The following CGNL1 variants were observed in gnomAD, a reference collection of about 807,000 sequenced individuals.
CGNL1 encodes cingulin-like protein 1.
A neutral mutation model predicts 141.2 loss-of-function variants in CGNL1; 132 were observed. The ratio of observed to expected loss-of-function variants is 0.93; its 90% CI spans 0.81 to 1.08. The LOEUF (loss-of-function observed/expected upper bound fraction) is 1.08. Among genes scored for constraint, CGNL1 ranks in the 50% least tolerant of loss-of-function variants. The pLI is 0.00. For missense variants in CGNL1, 1,870 were observed against 1,588.6 expected (o/e 1.18, Z -3.01); for synonymous variants, 690 against 622.1 (o/e 1.11, Z -1.63).
chr15:57,540,220 G>C (rs1421874525), intron 14 of CGNL1, among the ~76,000 whole-genome samples: 1 of 152,118 alleles, frequency 6.6e-6, no homozygotes, highest in East Asian at 1.9e-4. Context: ...CATTGTATTA[G>C]CCTGTTCTCA....
In CGNL1 at chr15:57,439,595, TACTC is replaced by T; in HGVS notation, c.1598_1601del (p.Thr533ArgfsTer7). 1 of 1,613,010 alleles carries T rather than the reference TACTC, an allele frequency of 6.2e-7. No homozygotes were observed. The highest frequency in any genetic ancestry group is 2.2e-5 in the East Asian group (1 of 44,886). On this transcript the variant is annotated frameshift_variant and splice_region_variant, in exon 2 of 19. Coordinates refer to ENST00000281282, the MANE Select transcript of CGNL1 (RefSeq NM_032866.5). LOFTEE classifies it high-confidence loss of function. Reference sequence around the variant, plus strand: ...TGAAGACATTTCCTTCGGCCTCAAATACTCAGGTAACACTAGTGCGATTCCTGTT... The same window carrying T: ...TGAAGACATTTCCTTCGGCCTCAAATAGGTAACACTAGTGCGATTCCTGTT...
chr15:57,447,744 A>G (rs1003002994), intron 4 of CGNL1, among the ~76,000 whole-genome samples: 1 of 151,614 alleles, frequency 6.6e-6, no homozygotes, highest in Non-Finnish European at 1.5e-5. Flanking sequence ...CTCCAATTAC[A>G]TGTATCTTAG....
At position 57,438,387 on chromosome 15, in the gene CGNL1, C is replaced by G. The variant is rs1453929519; in HGVS notation, c.388C>G (p.Leu130Val). 6 of 1,614,166 alleles carry G rather than the reference C, an allele frequency of 3.7e-6. No homozygotes were observed. Among genetic ancestry groups the G allele is most frequent in the South Asian group, 1.1e-5 (1 of 91,086 alleles). Reference protein sequence around the residue: ...PLLHEGKNGVLDRKDGSVKPS... With the variant: ...PLLHEGKNGVVDRKDGSVKPS... ...GCTCCATGAGGGCAAGAATGGAGTT[C>G]TAGATCGCAAAGACGGGTCTGTGAA... Residue 130 changes from leucine (L) to valine (V), a missense_variant, in exon 2 of 19, where the codon CTA becomes GTA. By Grantham distance (32) the Leu-to-Val change is conservative. Transcript: ENST00000281282.
At chr15:57,508,557 G>T (rs2029924017) in intron 8 of CGNL1, among the ~76,000 whole-genome samples, 2 of 152,230 alleles carry the variant, frequency 1.3e-5, no homozygotes, top group Admixed American at 6.5e-5. Context: ...CTCAGAGGGG[G>T]CAAGAGCTTG....
At chr15:57,424,216 A>G (rs1212517788) in intron 1 of CGNL1, among the ~76,000 whole-genome samples, 1 of 151,946 alleles carries the variant, frequency 6.6e-6, no homozygotes, top group Non-Finnish European at 1.5e-5. Context: ...TGAGCTCTAA[A>G]CTTGTTGTTC....
chr15:57,518,379 G>A lies in CGNL1; in HGVS notation c.2611-14G>A, dbSNP rs761350142. The A allele has an allele frequency of 2.5e-6, 4 of 1,582,936 alleles. No homozygotes were observed. The East Asian group carries it at 6.7e-5, about 27-fold the overall frequency. The stretch of plus-strand genomic sequence containing the variant: ...ACACATCTAAGTGCACACTGACCCA[G>A]TGTTTCATTGTAGGGAGAAATACGA... On this transcript the variant is annotated splice_polypyrimidine_tract_variant and intron_variant, in intron 9 of 18. Transcript: ENST00000281282.
At chr15:57,448,654 A>T (rs1480204160) in intron 4 of CGNL1, among the ~76,000 whole-genome samples, 3 of 151,678 alleles carry the variant, frequency 2.0e-5, no homozygotes, top group Non-Finnish European at 4.4e-5. Context: ...TCTCAAAAGA[A>T]AAAAAAAACA....
intron 8 of CGNL1, among the ~76,000 whole-genome samples, chr15:57,511,572 C>G (rs1347320946): frequency 1.3e-5 from 2 of 152,242 alleles, no homozygotes; most frequent in East Asian, 3.8e-4. Context: ...GTACCAGTTT[C>G]TAGCCCCACC....
chr15:57,410,870 G>A lies in CGNL1; in HGVS notation c.-15-27115G>A, dbSNP rs144504422. Among the ~76,000 whole-genome samples, 14 of 152,208 alleles carry A rather than the reference G, an allele frequency of 9.2e-5. No homozygotes were observed. The East Asian group carries it at 1.9e-3, about 21-fold the overall frequency. Reference sequence around the variant, plus strand: ...TTAATAAGAGACTGAAGTTCGTAACGTTTGTGTCTTGTCAGATTCAGTGGG... The same window carrying A: ...TTAATAAGAGACTGAAGTTCGTAACATTTGTGTCTTGTCAGATTCAGTGGG... On this transcript the variant is annotated intron_variant, in intron 1 of 18. Coordinates refer to ENST00000281282, the MANE Select transcript of CGNL1 (RefSeq NM_032866.5).
At chr15:57,532,749 A>G (rs2032023527) in intron 14 of CGNL1, among the ~76,000 whole-genome samples, 1 of 152,208 alleles carries the variant, frequency 6.6e-6, no homozygotes, top group African/African-American at 2.4e-5. Flanking sequence ...TGCACCTAAC[A>G]TGGTGCTGGC....
chr15:57,460,180 G>T (rs141618296), intron 7 of CGNL1, among the ~76,000 whole-genome samples: 2 of 152,244 alleles, frequency 1.3e-5, no homozygotes, highest in African/African-American at 2.4e-5. Flanking sequence ...AGAAAGAAGG[G>T]CATCTTAGAG....
chr15:57,436,473 T>C (rs1423837404), intron 1 of CGNL1, among the ~76,000 whole-genome samples: 1 of 152,214 alleles, frequency 6.6e-6, no homozygotes, highest in Non-Finnish European at 1.5e-5. Context: ...GGGTGCTCCT[T>C]ATCCCAGGGT....
At chr15:57,401,209 A>G (rs1016544899) in intron 1 of CGNL1, among the ~76,000 whole-genome samples, 16 of 152,178 alleles carry the variant, frequency 1.1e-4, no homozygotes, top group Admixed American at 9.8e-4. Flanking sequence ...AATTTAGCCA[A>G]TCTTCTATTA....
At chr15:57,467,592 T>C (rs1307559482) in intron 8 of CGNL1, among the ~76,000 whole-genome samples, 1 of 151,892 alleles carries the variant, frequency 6.6e-6, no homozygotes, top group African/African-American at 2.4e-5. Context: ...GCTAAAATCA[T>C]TGGGAACGTT....
intron 1 of CGNL1, among the ~76,000 whole-genome samples, chr15:57,434,589 A>T (rs2063082834): frequency 6.6e-6 from 1 of 152,166 alleles, no homozygotes; most frequent in South Asian, 2.1e-4. Flanking sequence ...GTATGCCATT[A>T]TGAAATTTCA....
chr15:57,494,310 A>G (rs1022645042), intron 8 of CGNL1, among the ~76,000 whole-genome samples: 2 of 152,156 alleles, frequency 1.3e-5, no homozygotes, highest in Admixed American at 1.3e-4. Flanking sequence ...GAGGCCAAGA[A>G]GCTTTGTTTA....
At chr15:57,441,444 C>T (rs955272311) in intron 3 of CGNL1, among the ~76,000 whole-genome samples, 3 of 152,116 alleles carry the variant, frequency 2.0e-5, no homozygotes, top group Admixed American at 6.5e-5. Flanking sequence ...TCTTGGCTCA[C>T]TGCAACCCCC....
At chr15:57,534,268 G>T (rs1869988374) in intron 14 of CGNL1, among the ~76,000 whole-genome samples, 1 of 152,222 alleles carries the variant, frequency 6.6e-6, no homozygotes, top group Non-Finnish European at 1.5e-5. Flanking sequence ...CTGAGATAGG[G>T]AGGGTATAGC....
intron 4 of CGNL1, among the ~76,000 whole-genome samples, chr15:57,443,526 G>C (rs2063216011): frequency 7.0e-6 from 1 of 143,594 alleles, no homozygotes. Context: ...GTACATACAG[G>C]GGATAATTTT....
Sources: allele counts gnomAD v4.1 joint callset (sites outside exome capture counted in the v4.1 genomes callset), GRCh38; gene constraint gnomAD v4.1.1; transcripts MANE v1.5; gene names NCBI Gene and HGNC (gene_info 2026-07-23, HGNC 2026-07-21).